The following MICAL3 variants were observed in gnomAD, a reference collection of about 807,000 sequenced individuals.
MICAL3 encodes the protein microtubule associated monooxygenase, calponin and LIM domain containing 3, also known as [F-actin]-monooxygenase MICAL3.
In MICAL3, 62 loss-of-function variants were observed where a neutral mutation model predicts 207.4. The observed-to-expected ratio is 0.30, with a 90% CI of 0.24 to 0.37. The LOEUF (loss-of-function observed/expected upper bound fraction) is 0.37. Ranked by LOEUF, MICAL3 falls within the 10% of genes least tolerant of loss-of-function variation. MICAL3 has a pLI of 1.00. For synonymous variants in MICAL3, 1,077 were observed against 1,069.3 expected, an observed-to-expected ratio of 1.01 and a Z score of -0.14; for missense variants, 2,368 against 2,635.6, an observed-to-expected ratio of 0.90 and a Z score of 2.22.
At chr22:17,994,845 T>C (rs945525295) in intron 1 of MICAL3, among the ~76,000 whole-genome samples, 2 of 152,206 alleles carry the variant, frequency 1.3e-5, no homozygotes, top group African/African-American at 4.8e-5. Context: ...CACAAGGCTG[T>C]GCTGTCCATC....
At chr22:17,819,658 G>A (rs541845419) in intron 25 of MICAL3, among the ~76,000 whole-genome samples, 1 of 152,164 alleles carries the variant, frequency 6.6e-6, no homozygotes, top group Non-Finnish European at 1.5e-5. Context: ...TTTCACAGAC[G>A]GCTGAGCGCA....
intron 1 of MICAL3, among the ~76,000 whole-genome samples, chr22:17,955,990 G>A (rs1188098515): frequency 1.3e-5 from 2 of 152,258 alleles, no homozygotes; most frequent in Non-Finnish European, 2.9e-5. Context: ...ATTAAACGGT[G>A]TTTATGAATG....
intron 1 of MICAL3, among the ~76,000 whole-genome samples, chr22:17,922,419 G>C (rs557147505): frequency 2.0e-5 from 3 of 152,306 alleles, no homozygotes; most frequent in African/African-American, 7.2e-5. Context: ...AATTTAGGGG[G>C]TGTAAGAAGG....
rs533737637 is a variant in MICAL3 at position 17,886,532 on chromosome 22, T to C, written c.2068-481A>G. 2.9e-4 allele frequency among the ~76,000 whole-genome samples: 44 copies of C among 152,206 alleles called. 1 individual carries two copies. The South Asian group carries it at 8.1e-3, about 28-fold the overall frequency. The stretch of plus-strand genomic sequence containing the variant: ...AAAATTAGAACAATTTGGCCGGGTG[T>C]GGTGGCTCATGCCTATAATCCCAGC... On this transcript the variant is annotated intron_variant, in intron 15 of 31. Transcript: ENST00000441493.
At chr22:17,809,069 G>A (rs1440254871) in intron 28 of MICAL3, 132 bp from the exon 29 acceptor site, 13 of 741,352 alleles carry the variant, frequency 1.8e-5, no homozygotes, top group East Asian at 2.8e-5. Context: ...TGGGCGGTGC[G>A]CTCAGGGTGT....
chr22:17,902,484 G>A lies in MICAL3; in HGVS notation c.589+147C>T. The A allele has an allele frequency of 5.4e-6, 3 of 556,882 alleles. No homozygotes were observed. In the South Asian group the frequency reaches 7.1e-5, roughly 13 times the overall value. The allele number at this position is 556,882 out of a possible 1,614,324, so 34.5% of individuals were successfully genotyped here. The stretch of plus-strand genomic sequence containing the variant: ...CACATGTGCGCCTGCGACATCTAAG[G>A]CTGCATCCAGGCCAAGTCCCCAAAG... On this transcript the variant is annotated intron_variant, in intron 4 of 31. Coordinates refer to ENST00000441493, the MANE Select transcript of MICAL3 (RefSeq NM_015241.3). This position sits in a 1 kb window ranked among gnomAD's most constrained non-coding sequence, Gnocchi z 4.5.
At chr22:17,884,300 G>A in intron 16 of MICAL3, 1 of 1,591,596 alleles carries the variant, frequency 6.3e-7, no homozygotes, top group South Asian at 1.1e-5. Context: ...GGTGGGGGCA[G>A]GGCGAACCTG....
chr22:17,866,782 G>A (rs1416767579), intron 17 of MICAL3, among the ~76,000 whole-genome samples: 4 of 152,210 alleles, frequency 2.6e-5, no homozygotes, highest in Non-Finnish European at 4.4e-5. Context: ...ATCCCCGTGG[G>A]GGGTGTCGTC....
chr22:17,939,841 T>C (rs561292146), intron 1 of MICAL3, among the ~76,000 whole-genome samples: 1 of 152,270 alleles, frequency 6.6e-6, no homozygotes, highest in African/African-American at 2.4e-5. Context: ...AGAGCTACTC[T>C]ACGCAAGACA....
intron 19 of MICAL3, among the ~76,000 whole-genome samples, chr22:17,853,565 A>G (rs1925565056): frequency 6.6e-6 from 1 of 152,262 alleles, no homozygotes; most frequent in African/African-American, 2.4e-5. Flanking sequence ...AGTTTCATAC[A>G]TCTTAACTTA....
chr22:17,917,347 C>T (rs537087584), intron 1 of MICAL3, among the ~76,000 whole-genome samples: 76 of 152,264 alleles, frequency 5.0e-4, no homozygotes, highest in Non-Finnish European at 8.7e-4. Flanking sequence ...TAAACAACAC[C>T]GCCAGCTACC....
intron 16 of MICAL3, among the ~76,000 whole-genome samples, chr22:17,885,372 A>C (rs1053937035): frequency 2.0e-5 from 3 of 152,258 alleles, no homozygotes; most frequent in East Asian, 3.8e-4. Flanking sequence ...GTCAGGAACA[A>C]CATGGGAACG....
Position 17,915,503 on chromosome 22 carries a change from G to A in MICAL3, c.-74-8617C>T, listed in dbSNP as rs181778537. ...CCTACCAAGGCACTCGGGTCAGGTC[G>A]CTTCCTCCCTCTTGCAGGGGCAGAG... On this transcript the variant is annotated intron_variant, in intron 1 of 31. Transcript: ENST00000441493. Among the ~76,000 whole-genome samples the A allele has an allele frequency of 3.6e-3, 553 of 152,292 alleles. 3 individuals are homozygous for A. The highest frequency in any genetic ancestry group is 0.013 in the African/African-American group (536 of 41,568).
At chr22:17,930,472 A>G (rs1304204688) in intron 1 of MICAL3, among the ~76,000 whole-genome samples, 1 of 152,246 alleles carries the variant, frequency 6.6e-6, no homozygotes, top group Non-Finnish European at 1.5e-5. Context: ...ACACAGCAGG[A>G]AAGAGGAATG....
At chr22:17,875,505 G>A in intron 16 of MICAL3, 1 of 1,556,336 alleles carries the variant, frequency 6.4e-7, no homozygotes, top group South Asian at 1.2e-5. Context: ...GAGACTAAGA[G>A]AAAGCTCCCA....
rs1161771178 is a variant in MICAL3 at position 17,885,760 on chromosome 22, G to A, written c.2241+118C>T. The A allele has an allele frequency of 3.7e-6, 4 of 1,080,898 alleles. No homozygotes were observed. The African/African-American group carries it at 4.7e-5, about 13-fold the overall frequency. 67.0% of individuals were successfully genotyped at this position (1,080,898 alleles called of 1,614,324 possible). On this transcript the variant is annotated intron_variant, in intron 16 of 31. Coordinates refer to ENST00000441493, the MANE Select transcript of MICAL3 (RefSeq NM_015241.3). ...GCTGCAGTCAGGCGAGGGAAAGCCA[G>A]ATGCCAGCCCACGAACGCTGGGGTC...
At chr22:17,949,389 G>A (rs898447014) in intron 1 of MICAL3, among the ~76,000 whole-genome samples, 2 of 152,080 alleles carry the variant, frequency 1.3e-5, no homozygotes, top group Admixed American at 1.3e-4. Flanking sequence ...TGAGTATAAT[G>A]TTACCTCACT....
At chr22:17,942,167 T>C (rs1933837934) in intron 1 of MICAL3, among the ~76,000 whole-genome samples, 1 of 152,180 alleles carries the variant, frequency 6.6e-6, no homozygotes, top group Non-Finnish European at 1.5e-5. Context: ...CACCGCAACA[T>C]GGCTAAAGAT....
At chr22:17,808,137 GC>G (rs2062006891) in intron 29 of MICAL3, among the ~76,000 whole-genome samples, 2 of 152,270 alleles carry the variant, frequency 1.3e-5, no homozygotes, top group Non-Finnish European at 2.9e-5. Context: ...ACTATGCTGA[GC>G]GCAGCCGCGC....
Sources: gnomAD v4.1 joint callset for allele counts (sites outside exome capture counted in the v4.1 genomes callset) on GRCh38, gnomAD v4.1.1 for gene constraint, Gnocchi (gnomAD v3.1) non-coding constraint, MANE v1.5 for transcripts, NCBI Gene and HGNC (gene_info 2026-07-23, HGNC 2026-07-21) for gene names.